The following BCL6B variants were observed in gnomAD, a reference collection of about 807,000 sequenced individuals.
BCL6B encodes the protein BCL6B transcription repressor, also known as B-cell CLL/lymphoma 6 member B protein.
Under a neutral mutation model 44.6 loss-of-function variants are expected in BCL6B, and 28 were observed. The ratio of observed to expected loss-of-function variants is 0.63; its 90% CI spans 0.47 to 0.86. The LOEUF (loss-of-function observed/expected upper bound fraction) is 0.86. Ranked by LOEUF, BCL6B falls within the 40% of genes least tolerant of loss-of-function variation. BCL6B has a pLI of 0.00. For missense variants in BCL6B, 626 were observed against 652.3 expected (o/e 0.96, Z 0.44); for synonymous variants, 268 against 263.6 (o/e 1.02, Z -0.16).
At position 7,028,060 on chromosome 17, in the gene BCL6B, TGA is replaced by T. The variant is rs769429817; in HGVS notation, c.*444_*445del. 26 of 995,318 alleles carry T rather than the reference TGA, an allele frequency of 2.6e-5. No individual in the cohort carries two copies. The highest frequency in any genetic ancestry group is 3.1e-5 in the Non-Finnish European group (26 of 836,200). The allele number at this position is 995,318 out of a possible 1,614,324, so 61.7% of individuals were successfully genotyped here. A position where few individuals can be genotyped will look rare whatever the true frequency, so the allele number is the denominator to read the frequency against. ...TAAAAGTGACCAGAAACACAGAAGG[TGA>T]GATCACAGCTCTGCTGGCAGAGATT... On this transcript the variant is annotated 3_prime_UTR_variant, in exon 9 of 9. Transcript: ENST00000293805.
In BCL6B at chr17:7,024,420, T is replaced by G; in HGVS notation, c.421T>G (p.Ser141Ala). 6.2e-7 allele frequency: 1 copy of G among 1,613,358 alleles called. No individual in the cohort carries two copies. The highest frequency in any genetic ancestry group is 8.5e-7 in the Non-Finnish European group (1 of 1,179,722). Residue 141 changes from serine to alanine, a missense_variant, in exon 4 of 9, where the codon TCC (serine) becomes GCC (alanine). Physicochemically the swap from Ser to Ala is moderately conservative, Grantham distance 99. Coordinates refer to ENST00000293805, the MANE Select transcript of BCL6B (RefSeq NM_181844.4). The surrounding 1 kb of genome is among the most constrained non-coding windows in gnomAD (Gnocchi z 6.6). Reference protein sequence around the residue: ...IQASYEPLGISLRPLEAEPPT... With the variant: ...IQASYEPLGIALRPLEAEPPT... Reference sequence around the variant, plus strand: ...CCCCAGCTATGAACCTCTGGGCATCTCCCTGCGCCCCCTGGAAGCAGAACC... The same window carrying G: ...CCCCAGCTATGAACCTCTGGGCATCGCCCTGCGCCCCCTGGAAGCAGAACC...
At position 7,029,133 on chromosome 17, in the gene BCL6B, C is replaced by A. The variant is rs1355423987; in HGVS notation, c.*1514C>A. 1.0e-6 allele frequency: 1 copy of A among 985,508 alleles called. No individual in the cohort carries two copies. 61.0% of individuals were successfully genotyped at this position (985,508 alleles called of 1,614,324 possible). On this transcript the variant is annotated 3_prime_UTR_variant, in exon 9 of 9. Coordinates refer to ENST00000293805, the MANE Select transcript of BCL6B (RefSeq NM_181844.4). ...ATTACAGATGTAAAAGATTGACTAG[C>A]CCATAGGCCAAAGGCCTGTTCTAGT...
chr17:7,026,880 A>T (rs761008657), intron 7 of BCL6B, 45 bp downstream of exon 7: 2 of 1,611,690 alleles, frequency 1.2e-6, no homozygotes, highest in Non-Finnish European at 1.7e-6. Context: ...AACCTGCAAG[A>T]GGTGGGGTGG....
chr17:7,025,278 C>G (rs1481370183), intron 5 of BCL6B, 78 bp downstream of exon 5: 1 of 1,564,784 alleles, frequency 6.4e-7, no homozygotes, highest in Admixed American at 1.8e-5. Flanking sequence ...CCAGAAAGGC[C>G]TATTCCAATG....
At chr17:7,026,905 T>G (rs1597341373) in intron 7 of BCL6B, 45 bp from the exon 8 acceptor site, 1 of 1,610,562 alleles carries the variant, frequency 6.2e-7, no homozygotes, top group Non-Finnish European at 8.5e-7. Context: ...ATAGGGAGGG[T>G]TCTGTTCCTC....
chr17:7,026,382 T>C, intron 5 of BCL6B, 75 bp from the exon 6 acceptor site: 1 of 1,533,012 alleles, frequency 6.5e-7, no homozygotes, highest in Non-Finnish European at 8.9e-7. Context: ...TGCTACTGTG[T>C]GGTTTGAGGA....
rs1910344383 is a variant in BCL6B at position 7,027,863 on chromosome 17, G to A, written c.*244G>A. On this transcript the variant is annotated 3_prime_UTR_variant, in exon 9 of 9. Transcript: ENST00000293805. ...TTGTTTCTGAGGAGAGAGCTAGCTA[G>A]GGGCTGGGAAAGGGGAGAGATTGGA... 6.5e-6 allele frequency: 9 copies of A among 1,376,310 alleles called. No homozygotes were observed. The highest frequency in any genetic ancestry group is 5.8e-5 in the African/African-American group (4 of 68,440). 85.3% of individuals were successfully genotyped at this position (1,376,310 alleles called of 1,614,324 possible). A position where few individuals can be genotyped will look rare whatever the true frequency, so the allele number is the denominator to read the frequency against.
chr17:7,024,334 G>C lies in BCL6B; in HGVS notation c.401+30G>C. The C allele has an allele frequency of 6.2e-7, 1 of 1,613,682 alleles. No individual in the cohort carries two copies. Among genetic ancestry groups the C allele is most frequent in the South Asian group, 1.1e-5 (1 of 91,076 alleles). On this transcript the variant is annotated intron_variant, in intron 3 of 8. Transcript: ENST00000293805. The surrounding 1 kb of genome is among the most constrained non-coding windows in gnomAD (Gnocchi z 6.6). ...GGGACCCTGGCTCGGCGTTCTCTGTGGGTGAGGTGTTAAGGGCAAAGGCAG... is the reference window on the plus strand; with the variant it reads ...GGGACCCTGGCTCGGCGTTCTCTGTCGGTGAGGTGTTAAGGGCAAAGGCAG...
chr17:7,025,931 T>G (rs574930484), intron 5 of BCL6B, among the ~76,000 whole-genome samples: 2 of 152,238 alleles, frequency 1.3e-5, no homozygotes, highest in African/African-American at 4.8e-5. Flanking sequence ...TTTTATTTAT[T>G]TATTTTTTTG....
In BCL6B at chr17:7,029,200, GCA is replaced by G. The variant is rs1390543823; in HGVS notation, c.*1582_*1583del. On this transcript the variant is annotated 3_prime_UTR_variant, in exon 9 of 9. Transcript: ENST00000293805. ...AGGATTAAGAGGTTGGTTGAGGGGT[GCA>G]GTTTCTGGTGTAGGCCAGGTAGGTA... is the stretch of plus-strand genomic sequence containing the variant. 2.0e-6 allele frequency: 2 copies of G among 985,820 alleles called. No homozygotes were observed. The highest frequency in any genetic ancestry group is 2.3e-4 in the East Asian group (2 of 8,828). 61.1% of individuals were successfully genotyped at this position (985,820 alleles called of 1,614,324 possible). A position where few individuals can be genotyped will look rare whatever the true frequency, so the allele number is the denominator to read the frequency against.
chr17:7,028,731 A>G lies in BCL6B; in HGVS notation c.*1112A>G, dbSNP rs1408809582. ...CCTTTTCTGACTCTGCCCAGTCTCT[A>G]TGAATGTTATGGCCTAGGGAAGAAT... On this transcript the variant is annotated 3_prime_UTR_variant, in exon 9 of 9. Coordinates refer to ENST00000293805, the MANE Select transcript of BCL6B (RefSeq NM_181844.4). The G allele has an allele frequency of 1.0e-6, 1 of 985,472 alleles. No individual in the cohort carries two copies. The highest frequency in any genetic ancestry group is 1.2e-6 in the Non-Finnish European group (1 of 829,960). 61.0% of individuals were successfully genotyped at this position (985,472 alleles called of 1,614,324 possible). A position where few individuals can be genotyped will look rare whatever the true frequency, so the allele number is the denominator to read the frequency against.
Position 7,026,618 on chromosome 17 carries a change from A to G in BCL6B, c.1051A>G (p.Thr351Ala), listed in dbSNP as rs1910296768. The G allele has an allele frequency of 1.2e-6, 2 of 1,614,036 alleles. No homozygotes were observed. The change falls in exon 6 of 9, where the codon ACA becomes GCA. Residue 351 changes from threonine to alanine, a missense_variant. By Grantham distance (58) the Thr-to-Ala change is moderately conservative. Transcript: ENST00000293805. ...GNLASHRTVH[T>A]GEKPYHCSIC... ...CCTTGCCAGTCATCGTACAGTGCAC[A>G]CAGGTAGGGGAAGAGAGGGCCCTGG...
chr17:7,027,634 A>G lies in BCL6B; in HGVS notation c.*15A>G, dbSNP rs200752344. On this transcript the variant is annotated 3_prime_UTR_variant, in exon 9 of 9. Transcript: ENST00000293805. ...GGGGGCCCTAGCTGAGCGCAGGCCC[A>G]GGCCCCACTTGCTTCCTGCGGGTGG... is the stretch of plus-strand genomic sequence containing the variant. 4 of 1,612,402 alleles carry G rather than the reference A, an allele frequency of 2.5e-6. No homozygotes were observed. Among genetic ancestry groups the G allele is most frequent in the Non-Finnish European group, 3.4e-6 (4 of 1,179,928 alleles).
rs1393682817 is a variant in BCL6B, at chr17:7,026,883, T to C, written c.1185+48T>C. ...GCTTCCAAGGCAAACCTGCAAGAGG[T>C]GGGGTGGGCCAATAGGGAGGGTTCT... On this transcript the variant is annotated intron_variant, in intron 7 of 8. Transcript: ENST00000293805. 4 of 1,611,076 alleles carry C rather than the reference T, an allele frequency of 2.5e-6. No individual in the cohort carries two copies. The South Asian group carries it at 4.4e-5, about 18-fold the overall frequency.
At chr17:7,026,928 C>G in intron 7 of BCL6B, 22 bp from the exon 8 acceptor site, 1 of 1,611,608 alleles carries the variant, frequency 6.2e-7, no homozygotes, top group Non-Finnish European at 8.5e-7. Flanking sequence ...AGAGGCAGGA[C>G]TTGAAGTCTC....
In BCL6B at chr17:7,028,627, C is replaced by T. The variant is rs1296036954; in HGVS notation, c.*1008C>T. 1.0e-6 allele frequency: 1 copy of T among 985,318 alleles called. No individual in the cohort carries two copies. The highest frequency in any genetic ancestry group is 1.7e-5 in the African/African-American group (1 of 57,232). The allele number at this position is 985,318 out of a possible 1,614,324, so 61.0% of individuals were successfully genotyped here. On this transcript the variant is annotated 3_prime_UTR_variant, in exon 9 of 9. Coordinates refer to ENST00000293805, the MANE Select transcript of BCL6B (RefSeq NM_181844.4). ...GGCTCAAGTGGAGTCCATCATCCTC[C>T]CACGGGGGCCTGTTCTTAGCACTGA...
intron 5 of BCL6B, among the ~76,000 whole-genome samples, chr17:7,026,133 G>A (rs531312295): frequency 1.9e-4 from 29 of 152,244 alleles, no homozygotes; most frequent in Non-Finnish European, 3.4e-4. Context: ...TGTTGGCCAG[G>A]ATGGTCTCCA....
At chr17:7,023,624 T>A (rs1310991893) in intron 1 of BCL6B, 36 bp from the exon 2 acceptor site, 1 of 1,565,096 alleles carries the variant, frequency 6.4e-7, no homozygotes, top group Admixed American at 1.8e-5. Flanking sequence ...GTCTTAGGAC[T>A]GCCTGGATCC....
chr17:7,023,432 G>A, intron 1 of BCL6B: 1 of 540,562 alleles, frequency 1.8e-6, no homozygotes, highest in South Asian at 2.5e-5. Context: ...ACGCCGCGGT[G>A]TGGAACCTTC....
Sources: gnomAD v4.1 joint callset for allele counts (sites outside exome capture counted in the v4.1 genomes callset) on GRCh38, gnomAD v4.1.1 for gene constraint, Gnocchi (gnomAD v3.1) non-coding constraint, MANE v1.5 for transcripts, NCBI Gene and HGNC (gene_info 2026-07-23, HGNC 2026-07-21) for gene names.